XKR6: variants seen among roughly 807,000 people sequenced by gnomAD.
XKR6 encodes XK related 6.
XKR6 carries 22 observed loss-of-function variants against 56.7 expected under a neutral mutation model. That is an observed-to-expected ratio of 0.39 (90% CI 0.28 to 0.55). XKR6 has a LOEUF of 0.55. XKR6 is among the 20% of genes least tolerant of loss of function. XKR6 has a pLI of 0.66. For missense variants in XKR6, 852 were observed against 889.0 expected (o/e 0.96, Z 0.53); for synonymous variants, 524 against 387.8 (o/e 1.35, Z -4.13).
chr8:10,990,740 C>T (rs1563331832), intron 1 of XKR6, among the ~76,000 whole-genome samples: 1 of 151,370 alleles, frequency 6.6e-6, no homozygotes, highest in Non-Finnish European at 1.5e-5. Context: ...CCACCATGCC[C>T]AGTTAATGTT....
intron 1 of XKR6, among the ~76,000 whole-genome samples, chr8:10,962,344 C>T (rs4841465): frequency 0.56 from 85,841 of 152,018 alleles, 26,842 homozygotes; most frequent in African/African-American, 0.83. Context: ...GCCCCTGACT[C>T]GTAGTCCCCA....
chr8:11,040,442 G>A (rs1386702302), intron 1 of XKR6, among the ~76,000 whole-genome samples: 2 of 152,054 alleles, frequency 1.3e-5, no homozygotes, highest in African/African-American at 4.8e-5. Flanking sequence ...TGAAGCAGGA[G>A]GATCACTTGA....
intron 1 of XKR6, among the ~76,000 whole-genome samples, chr8:11,017,175 G>T (rs1288552426): frequency 1.3e-5 from 2 of 152,252 alleles, no homozygotes; most frequent in Non-Finnish European, 2.9e-5. Flanking sequence ...GATAGATAGA[G>T]ATGATATATA....
At chr8:11,198,168 G>A (rs1178386727) in intron 1 of XKR6, among the ~76,000 whole-genome samples, 1 of 152,162 alleles carries the variant, frequency 6.6e-6, no homozygotes, top group African/African-American at 2.4e-5. Flanking sequence ...ATTGTTTGCC[G>A]AAAGATTAAA....
intron 1 of XKR6, among the ~76,000 whole-genome samples, chr8:11,018,984 T>A (rs1308469442): frequency 6.6e-6 from 1 of 152,142 alleles, no homozygotes; most frequent in Non-Finnish European, 1.5e-5. Context: ...TAGCTCCGTG[T>A]TCACTTCCTC....
In XKR6 at chr8:10,924,802, G is replaced by C; in HGVS notation, c.793C>G (p.Gln265Glu). The C allele has an allele frequency of 1.2e-6, 2 of 1,613,968 alleles. No homozygotes were observed. Among genetic ancestry groups the C allele is most frequent in the Non-Finnish European group, 1.7e-6 (2 of 1,179,952 alleles). The change falls in exon 2 of 3, where the codon CAG becomes GAG. Residue 265 changes from glutamine to glutamate, a missense_variant. Gln to Glu is a conservative substitution (Grantham distance 29). Transcript: ENST00000416569. ...TGGTGTTCCTTCCGCCGCTGGCTCT[G>C]AATCCCCAGGTACATGGTGCGGATA... is the stretch of plus-strand genomic sequence containing the variant. Reference protein sequence around the residue: ...RYIRTMYLGIQSQRRKEHQRR... With the variant: ...RYIRTMYLGIESQRRKEHQRR...
chr8:10,899,009 C>A (rs762118686), intron 2 of XKR6, 93 bp from the exon 3 acceptor site: 9 of 1,491,886 alleles, frequency 6.0e-6, no homozygotes, highest in South Asian at 2.7e-5. Context: ...CCCACATACA[C>A]CACGATCTAA....
At chr8:10,983,371 T>C (rs908264980) in intron 1 of XKR6, among the ~76,000 whole-genome samples, 1 of 152,118 alleles carries the variant, frequency 6.6e-6, no homozygotes, top group Admixed American at 6.5e-5. Flanking sequence ...AAAGGAAGCC[T>C]GCAAGGCCTA....
At chr8:10,947,964 G>A (rs1282258823) in intron 1 of XKR6, among the ~76,000 whole-genome samples, 1 of 152,208 alleles carries the variant, frequency 6.6e-6, no homozygotes, top group Non-Finnish European at 1.5e-5. Flanking sequence ...TCAGGCCTGG[G>A]GTTGGGTAAG....
At chr8:11,004,329 G>A (rs59446076) in intron 1 of XKR6, among the ~76,000 whole-genome samples, 18 of 151,942 alleles carry the variant, frequency 1.2e-4, no homozygotes, top group Admixed American at 2.6e-4. Flanking sequence ...AAAATTAACC[G>A]GGCATGTTGG....
chr8:11,124,901 G>A (rs1282690457), intron 1 of XKR6: 5 of 150,892 alleles, frequency 3.3e-5, no homozygotes, highest in African/African-American at 1.2e-4. Context: ...TGGCTAACAC[G>A]GTGAAACCCC....
Position 11,015,808 on chromosome 8 carries a change from G to A in XKR6, c.765-90978C>T, listed in dbSNP as rs953081422. Among the ~76,000 whole-genome samples the A allele has an allele frequency of 2.0e-5, 3 of 152,270 alleles. No individual in the cohort carries two copies. In the East Asian group the frequency reaches 5.8e-4, roughly 29 times the overall value. ...GGAGGGAAACCGAGAGGAATTGAGG[G>A]TGGGCTCGGCGTATCTAGAGCAGTC... On this transcript the variant is annotated intron_variant, in intron 1 of 2. Coordinates refer to ENST00000416569, the MANE Select transcript of XKR6 (RefSeq NM_173683.4).
At chr8:11,040,394 G>C (rs1186071406) in intron 1 of XKR6, among the ~76,000 whole-genome samples, 9 of 151,500 alleles carry the variant, frequency 5.9e-5, no homozygotes, top group African/African-American at 1.5e-4. Context: ...TAGCCAAACA[G>C]GGTGGCACCC....
chr8:10,979,435 C>T (rs902089275), intron 1 of XKR6, among the ~76,000 whole-genome samples: 13 of 152,032 alleles, frequency 8.6e-5, no homozygotes, highest in Admixed American at 1.3e-4. Context: ...TGCCGAGAAC[C>T]CAGGCCACCT....
At chr8:11,032,494 GA>G (rs1361355982) in intron 1 of XKR6, among the ~76,000 whole-genome samples, 1 of 152,056 alleles carries the variant, frequency 6.6e-6, no homozygotes, top group East Asian at 1.9e-4. Flanking sequence ...AGAGGTTGGG[GA>G]TAAGAAAAAA....
chr8:11,086,117 G>C (rs1348098004), intron 1 of XKR6, among the ~76,000 whole-genome samples: 1 of 140,182 alleles, frequency 7.1e-6, no homozygotes, highest in Non-Finnish European at 1.5e-5. Flanking sequence ...ACTCAATTGT[G>C]TTTTTTTAAA....
At chr8:11,033,048 T>C (rs1799030620) in intron 1 of XKR6, among the ~76,000 whole-genome samples, 1 of 151,770 alleles carries the variant, frequency 6.6e-6, no homozygotes, top group Admixed American at 6.6e-5. Context: ...ATGATGAAGA[T>C]GATGATGATG....
intron 1 of XKR6, among the ~76,000 whole-genome samples, chr8:11,119,010 C>A (rs1414318319): frequency 6.6e-6 from 1 of 152,000 alleles, no homozygotes; most frequent in African/African-American, 2.4e-5. Flanking sequence ...TATGTTGTGT[C>A]TTTGTTCTCG....
chr8:11,076,396 T>C (rs1800275216), intron 1 of XKR6, among the ~76,000 whole-genome samples: 1 of 152,192 alleles, frequency 6.6e-6, no homozygotes, highest in African/African-American at 2.4e-5. Context: ...TATTTTACCA[T>C]ATTTTACGAT....
Sources: gnomAD v4.1 joint callset for allele counts (sites outside exome capture counted in the v4.1 genomes callset) on GRCh38, gnomAD v4.1.1 for gene constraint, MANE v1.5 for transcripts, NCBI Gene and HGNC (gene_info 2026-07-23, HGNC 2026-07-21) for gene names.